The following RAB11B variants were observed in gnomAD, a reference collection of about 807,000 sequenced individuals.
RAB11B encodes the protein ras-related protein Rab-11B.
Under a neutral mutation model 23.7 loss-of-function variants are expected in RAB11B, and 7 were observed. The ratio of observed to expected loss-of-function variants is 0.29; its 90% CI spans 0.17 to 0.55. The LOEUF (loss-of-function observed/expected upper bound fraction) is 0.55. Ranked by LOEUF, RAB11B falls within the 20% of genes least tolerant of loss-of-function variation. RAB11B has a pLI of 0.93. For synonymous variants in RAB11B, 138 were observed against 132.0 expected (o/e 1.05, Z -0.31); for missense variants, 189 against 320.0 (o/e 0.59, Z 3.12).
intron 2 of RAB11B, among the ~76,000 whole-genome samples, chr19:8,401,273 G>A (rs989621815): frequency 3.3e-5 from 5 of 151,510 alleles, no homozygotes; most frequent in African/African-American, 7.3e-5. Flanking sequence ...GTAGAGATGG[G>A]GTTTCACCGC....
In RAB11B at chr19:8,403,520, C is replaced by G; in HGVS notation, c.619C>G (p.Gln207Glu). Reference sequence around the variant, plus strand: ...CAGCGTGCCGCCCACCACGGACGGACAGAAGCCCAACAAGCTGCAGTGCTG... The same window carrying G: ...CAGCGTGCCGCCCACCACGGACGGAGAGAAGCCCAACAAGCTGCAGTGCTG... Reference protein sequence around the residue: ...DISVPPTTDGQKPNKLQCCQN... With the variant: ...DISVPPTTDGEKPNKLQCCQN... The change falls in exon 5 of 5, where the codon CAG becomes GAG. Residue 207 changes from glutamine to glutamate, a missense_variant. Physicochemically the swap from Gln to Glu is conservative, Grantham distance 29 (BLOSUM62 2). Around this residue, in one of 5 missense-constraint regions of RAB11B, gnomAD observed 122 missense variants for 170.8 expected, o/e 0.71. Coordinates refer to ENST00000328024, the MANE Select transcript of RAB11B (RefSeq NM_004218.4). 6.2e-7 allele frequency: 1 copy of G among 1,613,904 alleles called. No individual in the cohort carries two copies. The highest frequency in any genetic ancestry group is 8.5e-7 in the Non-Finnish European group (1 of 1,179,862).
chr19:8,396,560 C>T lies in RAB11B; in HGVS notation c.41-3303C>T, dbSNP rs1024139529. 2.6e-5 allele frequency among the ~76,000 whole-genome samples: 4 copies of T among 152,098 alleles called. No individual in the cohort carries two copies. Among genetic ancestry groups the T allele is most frequent in the East Asian group, 3.9e-4 (2 of 5,172 alleles). On this transcript the variant is annotated intron_variant, in intron 1 of 4. Transcript: ENST00000328024. The surrounding 1 kb of genome is among the most constrained non-coding windows in gnomAD (Gnocchi z 5.0). ...GCCAAGTGGCATTTAAGGGGCCACA[C>T]GAAGGGGATGAGGGAGGGAGCCAGG...
At chr19:8,392,690 T>TC (rs1821623161) in intron 1 of RAB11B, among the ~76,000 whole-genome samples, 1 of 131,030 alleles carries the variant, frequency 7.6e-6, no homozygotes, top group Non-Finnish European at 1.6e-5. Flanking sequence ...CTTTTCTTTT[T>TC]TTTTTTTTTT....
chr19:8,390,585 C>G (rs910834568), intron 1 of RAB11B, 129 bp downstream of exon 1: 1 of 1,010,494 alleles, frequency 9.9e-7, no homozygotes, highest in Non-Finnish European at 1.3e-6. Context: ...GGTCAGGCAG[C>G]CGGGAAGGCC....
intron 1 of RAB11B, among the ~76,000 whole-genome samples, chr19:8,392,637 A>G (rs2145506179): frequency 6.7e-6 from 1 of 148,414 alleles, no homozygotes; most frequent in South Asian, 2.1e-4. Flanking sequence ...GCCTCATCAG[A>G]GGACCTCCTC....
intron 2 of RAB11B, 113 bp downstream of exon 2, chr19:8,400,171 C>A: frequency 7.8e-7 from 1 of 1,276,020 alleles, no homozygotes; most frequent in African/African-American, 1.5e-5. Flanking sequence ...AGTGTGCTCC[C>A]AAGACCAGGG....
At chr19:8,399,164 A>C (rs1357531378) in intron 1 of RAB11B, among the ~76,000 whole-genome samples, 1 of 152,068 alleles carries the variant, frequency 6.6e-6, no homozygotes, top group Non-Finnish European at 1.5e-5. Flanking sequence ...CACGTTAGCC[A>C]GGATGGTCTC....
chr19:8,391,519 C>T (rs1159916008), intron 1 of RAB11B, among the ~76,000 whole-genome samples: 4 of 152,184 alleles, frequency 2.6e-5, no homozygotes, highest in Non-Finnish European at 5.9e-5. Flanking sequence ...TGGAGGAAGC[C>T]GGAGTCCCTT....
At position 8,392,991 on chromosome 19, in the gene RAB11B, A is replaced by AT. The variant is rs34749882; in HGVS notation, c.40+2552dup. ...ATGAGCCACCGTGCCTGGCCTCTGC[A>AT]TTTTTTTTTTTTTTTTTGGTGGCCA... On this transcript the variant is annotated intron_variant, in intron 1 of 4. Transcript: ENST00000328024. Among the ~76,000 whole-genome samples, 89 of 130,580 alleles carry AT rather than the reference A, an allele frequency of 6.8e-4. 1 individual carries two copies. Among genetic ancestry groups the AT allele is most frequent in the East Asian group, 3.7e-3 (17 of 4,542 alleles). 85.7% of individuals were successfully genotyped at this position (130,580 alleles called of 152,430 possible).
Position 8,403,499 on chromosome 19 carries a change from G to A in RAB11B, c.598G>A (p.Val200Met), listed in dbSNP as rs754522300. The change falls in exon 5 of 5, where the codon GTG (valine) becomes ATG (methionine). Residue 200 changes from valine to methionine, a missense_variant. Coordinates refer to ENST00000328024, the MANE Select transcript of RAB11B (RefSeq NM_004218.4). ...SPGNNVVDIS[V>M]PPTTDGQKPN... Reference sequence around the variant, plus strand: ...GGGGAACAACGTGGTGGACATCAGCGTGCCGCCCACCACGGACGGACAGAA... The same window carrying A: ...GGGGAACAACGTGGTGGACATCAGCATGCCGCCCACCACGGACGGACAGAA... 16 of 1,613,898 alleles carry A rather than the reference G, an allele frequency of 9.9e-6. No homozygotes were observed. The highest frequency in any genetic ancestry group is 3.3e-5 in the Admixed American group (2 of 59,988).
chr19:8,391,043 G>A (rs1971347907), intron 1 of RAB11B, among the ~76,000 whole-genome samples: 1 of 152,138 alleles, frequency 6.6e-6, no homozygotes, highest in Non-Finnish European at 1.5e-5. Context: ...GGGGTGCAAA[G>A]CTGGGATTGA....
chr19:8,402,315 C>A, intron 3 of RAB11B, 36 bp downstream of exon 3: 1 of 1,537,092 alleles, frequency 6.5e-7, no homozygotes. Context: ...AGAGAGGTGT[C>A]TGGAAGGCAG....
At chr19:8,397,243 G>A (rs1971404127) in intron 1 of RAB11B, among the ~76,000 whole-genome samples, 2 of 152,252 alleles carry the variant, frequency 1.3e-5, no homozygotes, top group East Asian at 1.9e-4. Context: ...CAATGGGCAC[G>A]CCAGTCTGGG....
Position 8,396,394 on chromosome 19 carries a change from T to C in RAB11B, c.41-3469T>C, listed in dbSNP as rs988438139. Among the ~76,000 whole-genome samples the C allele has an allele frequency of 6.6e-5, 10 of 152,242 alleles. 1 individual carries two copies. Among genetic ancestry groups the C allele is most frequent in the Admixed American group, 5.9e-4 (9 of 15,286 alleles). On this transcript the variant is annotated intron_variant, in intron 1 of 4. Coordinates refer to ENST00000328024, the MANE Select transcript of RAB11B (RefSeq NM_004218.4). The surrounding 1 kb of genome is among the most constrained non-coding windows in gnomAD (Gnocchi z 5.0). ...AAGCACTGTGCCAGGACCTGATTCC[T>C]GCCCTTGGGGCAGACTGGCAAAAGA...
intron 1 of RAB11B, among the ~76,000 whole-genome samples, chr19:8,395,646 T>G (rs1336716279): frequency 6.6e-6 from 1 of 152,126 alleles, no homozygotes; most frequent in Non-Finnish European, 1.5e-5. Context: ...TTGTCTTAGG[T>G]CTTTCACGCC....
Position 8,390,434 on chromosome 19 carries a change from C to A in RAB11B, c.18C>A (p.Asp6Glu). 6.6e-7 allele frequency: 1 copy of A among 1,522,734 alleles called. No homozygotes were observed. The highest frequency in any genetic ancestry group is 8.8e-7 in the Non-Finnish European group (1 of 1,139,848). 94.3% of individuals were successfully genotyped at this position (1,522,734 alleles called of 1,614,324 possible). A position where few individuals can be genotyped will look rare whatever the true frequency, so the allele number is the denominator to read the frequency against. Reference protein sequence around the residue: MGTRDDEYDYLFKVVL... With the variant: MGTRDEEYDYLFKVVL... Reference sequence around the variant, plus strand: ...CCAGGACAATGGGGACCCGGGACGACGAGTACGACTACCTATTCAAAGGTG... The same window carrying A: ...CCAGGACAATGGGGACCCGGGACGAAGAGTACGACTACCTATTCAAAGGTG... Residue 6 changes from aspartate to glutamate, a missense_variant, in exon 1 of 5, where the codon GAC (aspartate) becomes GAA (glutamate). Asp to Glu is a conservative substitution (Grantham distance 45, BLOSUM62 2). This residue lies in a region of RAB11B where 20 missense variants were observed against 16.2 expected (regional missense o/e 1.24). Transcript: ENST00000328024.
At chr19:8,393,797 T>C (rs974663683) in intron 1 of RAB11B, among the ~76,000 whole-genome samples, 4 of 152,230 alleles carry the variant, frequency 2.6e-5, no homozygotes, top group African/African-American at 9.6e-5. Context: ...CTGAAGAGTC[T>C]CTCAGTCTGC....
intron 1 of RAB11B, among the ~76,000 whole-genome samples, chr19:8,397,824 G>A (rs1406334517): frequency 6.6e-6 from 1 of 151,968 alleles, no homozygotes; most frequent in African/African-American, 2.4e-5. Flanking sequence ...GCACCTCCCC[G>A]AGCTCAGGAG....
chr19:8,400,587 CTT>C (rs1599687635), intron 2 of RAB11B, among the ~76,000 whole-genome samples: 3 of 51,136 alleles, frequency 5.9e-5, no homozygotes, highest in East Asian at 1.4e-3. Context: ...GTCACCTCCT[CTT>C]GTTTTTTTTT....
Sources: gnomAD v4.1 joint callset for allele counts (sites outside exome capture counted in the v4.1 genomes callset) on GRCh38, gnomAD v4.1.1 for gene constraint, gnomAD v4.1.1 regional missense constraint, Gnocchi (gnomAD v3.1) non-coding constraint, MANE v1.5 for transcripts, NCBI Gene and HGNC (gene_info 2026-07-23, HGNC 2026-07-21) for gene names.